LRMDA: variants seen among roughly 807,000 people sequenced by gnomAD.
LRMDA encodes the protein leucine rich melanocyte differentiation associated, also known as leucine-rich melanocyte differentiation-associated protein.
In LRMDA, 18 loss-of-function variants were observed where a neutral mutation model predicts 29.8. That is an observed-to-expected ratio of 0.60 (90% CI 0.42 to 0.90). LRMDA has a LOEUF of 0.90. Ranked by LOEUF, LRMDA falls within the 40% of genes least tolerant of loss-of-function variation. The pLI is 0.00. For synonymous variants in LRMDA, 125 were observed against 109.4 expected, an observed-to-expected ratio of 1.14 and a Z score of -0.89; for missense variants, 273 against 273.9, an observed-to-expected ratio of 1.00 and a Z score of 0.02.
intron 2 of LRMDA, among the ~76,000 whole-genome samples, chr10:75,618,611 C>A (rs1462648268): frequency 6.7e-6 from 1 of 149,430 alleles, no homozygotes; most frequent in Non-Finnish European, 1.5e-5. Flanking sequence ...TAAACTTTGA[C>A]TCAAAACCTA....
At chr10:75,880,103 G>T (rs1383445521) in intron 2 of LRMDA, among the ~76,000 whole-genome samples, 1 of 152,082 alleles carries the variant, frequency 6.6e-6, no homozygotes, top group Non-Finnish European at 1.5e-5. Flanking sequence ...TCCTTTGTTT[G>T]CGTGTCATCA....
chr10:76,503,874 G>A (rs1842935228), intron 6 of LRMDA, among the ~76,000 whole-genome samples: 2 of 149,294 alleles, frequency 1.3e-5, no homozygotes, highest in Non-Finnish European at 3.0e-5. Flanking sequence ...TTATCTTTGG[G>A]GTTGGTTCTT....
At chr10:76,055,785 A>T (rs888111078) in intron 4 of LRMDA, among the ~76,000 whole-genome samples, 3 of 152,352 alleles carry the variant, frequency 2.0e-5, no homozygotes, top group African/African-American at 7.2e-5. Context: ...CTTCCACTGC[A>T]GGCACTGGGG....
intron 2 of LRMDA, chr10:75,883,275 C>A (rs769235109): frequency 2.0e-5 from 3 of 152,348 alleles, no homozygotes; most frequent in Non-Finnish European, 2.9e-5. Context: ...CTGGTCTGAA[C>A]CCTCCATAAG....
rs1286207307 is a variant in LRMDA at position 76,073,592 on chromosome 10, T to C, written c.516+14809T>C. Among the ~76,000 whole-genome samples, 5 of 152,286 alleles carry C rather than the reference T, an allele frequency of 3.3e-5. No individual in the cohort carries two copies. The East Asian group carries it at 9.7e-4, about 29-fold the overall frequency. The stretch of plus-strand genomic sequence containing the variant: ...GTGTGTATGTGTGTTTCCTTTAAAT[T>C]ACTTCCTTAGGATAATTTTTCATGG... On this transcript the variant is annotated intron_variant, in intron 5 of 6. Coordinates refer to ENST00000611255, the MANE Select transcript of LRMDA (RefSeq NM_001305581.2).
At chr10:75,590,958 G>A (rs1840716701) in intron 2 of LRMDA, among the ~76,000 whole-genome samples, 1 of 151,904 alleles carries the variant, frequency 6.6e-6, no homozygotes, top group Admixed American at 6.6e-5. Context: ...TGGCCAGGCT[G>A]ATTTCAAACT....
rs750204623 is a variant in LRMDA, at chr10:76,324,380, G to A, written c.517-21G>A. The A allele has an allele frequency of 1.9e-6, 3 of 1,612,126 alleles. No individual in the cohort carries two copies. The East Asian group carries it at 6.7e-5, about 36-fold the overall frequency. ...TTGGTGTTTGGTGTTGCTTCATGTT[G>A]ACTTTGCTTTTGTCACACAGGCTTC... On this transcript the variant is annotated intron_variant, in intron 5 of 6. Coordinates refer to ENST00000611255, the MANE Select transcript of LRMDA (RefSeq NM_001305581.2).
At chr10:76,327,023 C>T (rs2132401512) in intron 6 of LRMDA, among the ~76,000 whole-genome samples, 1 of 151,524 alleles carries the variant, frequency 6.6e-6, no homozygotes, top group African/African-American at 2.4e-5. Context: ...TGATAGAGGT[C>T]AGGTTATGTG....
At chr10:76,040,973 T>A (rs1394330279) in intron 3 of LRMDA, among the ~76,000 whole-genome samples, 2 of 152,002 alleles carry the variant, frequency 1.3e-5, no homozygotes, top group African/African-American at 4.8e-5. Context: ...GGGACTGGAG[T>A]TCCCATAGCC....
intron 2 of LRMDA, among the ~76,000 whole-genome samples, chr10:76,025,040 C>T: frequency 6.6e-6 from 1 of 152,110 alleles, no homozygotes; most frequent in East Asian, 1.9e-4. Flanking sequence ...TAGAACCCGC[C>T]AAACAAACTC....
intron 2 of LRMDA, among the ~76,000 whole-genome samples, chr10:75,610,648 A>G (rs1192076912): frequency 6.6e-6 from 1 of 152,188 alleles, no homozygotes; most frequent in Non-Finnish European, 1.5e-5. Flanking sequence ...GGACTGGCCC[A>G]TGTTCGGGTG....
intron 2 of LRMDA, among the ~76,000 whole-genome samples, chr10:75,929,801 A>C (rs2132399071): frequency 6.6e-6 from 1 of 152,326 alleles, no homozygotes; most frequent in East Asian, 1.9e-4. Flanking sequence ...CTCTTTTCCC[A>C]AAAATGACTA....
At chr10:76,273,909 G>A (rs1005065065) in intron 5 of LRMDA, among the ~76,000 whole-genome samples, 2 of 152,060 alleles carry the variant, frequency 1.3e-5, no homozygotes, top group African/African-American at 4.8e-5. Context: ...TGTTGTCATG[G>A]TTTTATTGTC....
intron 5 of LRMDA, among the ~76,000 whole-genome samples, chr10:76,207,690 G>A (rs1851562454): frequency 6.6e-6 from 1 of 152,098 alleles, no homozygotes; most frequent in Non-Finnish European, 1.5e-5. Context: ...GTGGTCGGGT[G>A]TGGTGGCTCA....
intron 2 of LRMDA, among the ~76,000 whole-genome samples, chr10:75,665,319 G>A (rs1841808435): frequency 6.6e-6 from 1 of 152,200 alleles, no homozygotes; most frequent in Non-Finnish European, 1.5e-5. Context: ...TAACTTGACA[G>A]GTGGGGCTGA....
intron 2 of LRMDA, among the ~76,000 whole-genome samples, chr10:75,775,078 G>T (rs1222316758): frequency 2.6e-5 from 4 of 152,198 alleles, no homozygotes; most frequent in South Asian, 2.1e-4. Flanking sequence ...CACAGAAGTG[G>T]ATTGTTCTTC....
chr10:76,413,562 C>T (rs1005930520), intron 6 of LRMDA, among the ~76,000 whole-genome samples: 28 of 152,268 alleles, frequency 1.8e-4, no homozygotes, highest in Admixed American at 1.3e-3. Flanking sequence ...TATCTCCCAC[C>T]GGGTCCCTCC....
intron 2 of LRMDA, among the ~76,000 whole-genome samples, chr10:75,919,583 T>A (rs1328271701): frequency 6.6e-6 from 1 of 152,058 alleles, no homozygotes; most frequent in Non-Finnish European, 1.5e-5. Context: ...GAGGGAGTGA[T>A]AGTAGGTTTT....
intron 5 of LRMDA, among the ~76,000 whole-genome samples, chr10:76,204,847 T>C (rs1851505322): frequency 1.3e-5 from 2 of 152,156 alleles, no homozygotes; most frequent in East Asian, 3.8e-4. Flanking sequence ...AGATGGTAGG[T>C]TTTTGAGCAC....
Sources: gnomAD v4.1 joint callset for allele counts (sites outside exome capture counted in the v4.1 genomes callset) on GRCh38, gnomAD v4.1.1 for gene constraint, MANE v1.5 for transcripts, NCBI Gene and HGNC (gene_info 2026-07-23, HGNC 2026-07-21) for gene names.